VWA3B: variants seen among roughly 807,000 people sequenced by gnomAD.
The protein encoded by VWA3B is von Willebrand factor A domain-containing protein 3B.
In VWA3B, 138 loss-of-function variants were observed where a neutral mutation model predicts 158.3. That is an observed-to-expected ratio of 0.87 (90% CI 0.76 to 1.00). The LOEUF (loss-of-function observed/expected upper bound fraction) is 1.00. VWA3B is among the 50% of genes least tolerant of loss of function. The pLI is 0.00. For synonymous variants in VWA3B, 596 were observed against 587.3 expected (o/e 1.01, Z -0.21); for missense variants, 1,555 against 1,565.1 (o/e 0.99, Z 0.11).
chr2:98,123,082 A>G (rs938018045), intron 5 of VWA3B, among the ~76,000 whole-genome samples: 15 of 152,156 alleles, frequency 9.9e-5, no homozygotes, highest in Non-Finnish European at 1.8e-4. Flanking sequence ...TAAAAAACAC[A>G]TGTGTGTGTG....
At chr2:98,158,159 T>C (rs966934137) in intron 7 of VWA3B, among the ~76,000 whole-genome samples, 4 of 152,108 alleles carry the variant, frequency 2.6e-5, no homozygotes, top group Non-Finnish European at 4.4e-5. Context: ...CCAGAACTGT[T>C]TCTATGTAAT....
At chr2:98,200,256 A>C (rs1682418395) in intron 12 of VWA3B, among the ~76,000 whole-genome samples, 2 of 152,074 alleles carry the variant, frequency 1.3e-5, no homozygotes, top group South Asian at 4.2e-4. Context: ...TAATAGCTGG[A>C]GTCAGGCCAG....
chr2:98,112,635 T>G (rs1274734378), intron 2 of VWA3B, among the ~76,000 whole-genome samples: 2 of 152,056 alleles, frequency 1.3e-5, no homozygotes, highest in African/African-American at 4.8e-5. Context: ...GTTTTCTTTG[T>G]ACATACATTG....
intron 8 of VWA3B, among the ~76,000 whole-genome samples, chr2:98,164,131 C>G (rs1290470454): frequency 6.6e-6 from 1 of 152,166 alleles, no homozygotes; most frequent in Non-Finnish European, 1.5e-5. Flanking sequence ...CTGACTTGCT[C>G]TCAGATGCCT....
chr2:98,257,545 T>C (rs551820080), intron 21 of VWA3B, among the ~76,000 whole-genome samples: 1 of 151,806 alleles, frequency 6.6e-6, no homozygotes, highest in South Asian at 2.1e-4. Context: ...ACTTGACATT[T>C]TCCTTTTCTT....
intron 1 of VWA3B, among the ~76,000 whole-genome samples, chr2:98,090,804 G>A (rs1427379291): frequency 1.3e-5 from 2 of 151,216 alleles, no homozygotes; most frequent in African/African-American, 2.4e-5. Context: ...TGCCCAGGCT[G>A]GAGTGCAGTG....
intron 7 of VWA3B, among the ~76,000 whole-genome samples, chr2:98,162,142 G>A (rs1438293177): frequency 6.6e-6 from 1 of 152,116 alleles, no homozygotes; most frequent in Non-Finnish European, 1.5e-5. Context: ...ACACCACAGA[G>A]TGCACATCCA....
chr2:98,148,869 T>A (rs1314754495), intron 7 of VWA3B, among the ~76,000 whole-genome samples: 1 of 152,206 alleles, frequency 6.6e-6, no homozygotes, highest in East Asian at 1.9e-4. Flanking sequence ...TTGACCATGA[T>A]TTGTTTTTCC....
At chr2:98,150,526 G>C (rs1009706752) in intron 7 of VWA3B, among the ~76,000 whole-genome samples, 1 of 152,228 alleles carries the variant, frequency 6.6e-6, no homozygotes, top group East Asian at 1.9e-4. Flanking sequence ...CTTGTGCAGA[G>C]GTGGCTCTGA....
intron 8 of VWA3B, among the ~76,000 whole-genome samples, chr2:98,173,693 G>A (rs1053411797): frequency 1.3e-5 from 2 of 152,136 alleles, no homozygotes; most frequent in African/African-American, 4.8e-5. Context: ...AGGGCTGGGC[G>A]CCAGTGGCTC....
Position 98,234,685 on chromosome 2 carries a change from C to A in VWA3B, c.2346C>A (p.Ser782=). 5 of 1,614,210 alleles carry A rather than the reference C, an allele frequency of 3.1e-6. No individual in the cohort carries two copies. The highest frequency in any genetic ancestry group is 4.2e-6 in the Non-Finnish European group (5 of 1,180,022). The change falls in exon 17 of 28, where the codon TCC becomes TCA. Residue 782 remains serine, a synonymous_variant. Transcript: ENST00000477737. The stretch of plus-strand genomic sequence containing the variant: ...CCAGCCTGCTCAGAAGCCAGATGTC[C>A]TCCCTCAGGAGCTCAGCTTGCAGTG... ...TKTSLLRSQM[S]SLRSSACSER... is the part of the protein sequence containing the mutation.
At chr2:98,302,039 C>T (rs114138672) in intron 25 of VWA3B, among the ~76,000 whole-genome samples, 1 of 152,316 alleles carries the variant, frequency 6.6e-6, no homozygotes, top group Non-Finnish European at 1.5e-5. Context: ...TCAACCCACA[C>T]ACATGCTTCG....
At chr2:98,242,700 A>T (rs1212670577) in intron 19 of VWA3B, among the ~76,000 whole-genome samples, 2 of 146,524 alleles carry the variant, frequency 1.4e-5, no homozygotes, top group Non-Finnish European at 3.0e-5. Context: ...AAGCTCCCTA[A>T]TCTAGTATGC....
At chr2:98,302,200 C>T (rs1690241670) in intron 25 of VWA3B, among the ~76,000 whole-genome samples, 1 of 149,628 alleles carries the variant, frequency 6.7e-6, no homozygotes, top group Non-Finnish European at 1.5e-5. Flanking sequence ...GGACTGCCCT[C>T]CCCATCTCCT....
At chr2:98,140,595 TTCTC>T (rs1331331197) in intron 7 of VWA3B, among the ~76,000 whole-genome samples, 3 of 152,150 alleles carry the variant, frequency 2.0e-5, no homozygotes, top group Non-Finnish European at 2.9e-5. Flanking sequence ...TCCTGCCTCT[TTCTC>T]TCTTTATGAT....
intron 14 of VWA3B, among the ~76,000 whole-genome samples, chr2:98,225,339 G>C (rs1684836555): frequency 6.6e-6 from 1 of 152,192 alleles, no homozygotes; most frequent in African/African-American, 2.4e-5. Context: ...ATATCAACAG[G>C]CTAAAGAAGA....
At chr2:98,266,423 G>A (rs1687831599) in intron 21 of VWA3B, among the ~76,000 whole-genome samples, 1 of 151,874 alleles carries the variant, frequency 6.6e-6, no homozygotes. Flanking sequence ...TTTGGTACGA[G>A]TACCATGCTG....
At chr2:98,270,483 C>T (rs1169100134) in intron 21 of VWA3B, among the ~76,000 whole-genome samples, 199 bp from the exon 22 acceptor site, 2 of 152,214 alleles carry the variant, frequency 1.3e-5, no homozygotes, top group Non-Finnish European at 2.9e-5. Context: ...TTATTTCTAA[C>T]CTTTGCAAGC....
intron 7 of VWA3B, among the ~76,000 whole-genome samples, chr2:98,155,004 G>A (rs896168882): frequency 2.0e-5 from 3 of 152,190 alleles, no homozygotes; most frequent in African/African-American, 4.8e-5. Context: ...CAGGGAGAGT[G>A]GTTACAAAAA....
Sources: gnomAD v4.1 joint callset for allele counts (sites outside exome capture counted in the v4.1 genomes callset) on GRCh38, gnomAD v4.1.1 for gene constraint, MANE v1.5 for transcripts, NCBI Gene and HGNC (gene_info 2026-07-23, HGNC 2026-07-21) for gene names.